Variants in ESRRA observed in about 807,000 individuals in gnomAD.
The protein encoded by ESRRA is steroid hormone receptor ERR1.
In ESRRA, 7 loss-of-function variants were observed where a neutral mutation model predicts 35.6. The ratio of observed to expected loss-of-function variants is 0.20; its 90% CI spans 0.11 to 0.37. The LOEUF (loss-of-function observed/expected upper bound fraction) is 0.37, where lower values mean the gene tolerates loss of function less well. Ranked by LOEUF, ESRRA falls within the 10% of genes least tolerant of loss-of-function variation. The pLI, the probability that ESRRA is intolerant of heterozygous loss-of-function variation, is 1.00. For missense variants in ESRRA, 378 were observed against 561.7 expected (o/e 0.67, Z 3.31); for synonymous variants, 223 against 246.9 (o/e 0.90, Z 0.91).
rs1425650980 is a variant in ESRRA at position 64,314,236 on chromosome 11, A to G, written c.443-3A>G. 6.2e-7 allele frequency: 1 copy of G among 1,608,242 alleles called. No individual in the cohort carries two copies. ...CACAGTCCTATCTGTCCCACAATTC[A>G]AGGAGTGCGCCTGGACCGCGTCCGG... On this transcript the variant is annotated splice_polypyrimidine_tract_variant and splice_region_variant and intron_variant, in intron 3 of 6. Coordinates refer to ENST00000000442, the MANE Select transcript of ESRRA (RefSeq NM_004451.5).
Position 64,314,084 on chromosome 11 carries a change from G to T in ESRRA, c.442+17G>T. On this transcript the variant is annotated intron_variant, in intron 3 of 6. Transcript: ENST00000000442. ...TCAAGGAGGGTGAGCGCTGGGCAGG[G>T]GCTGGGCGAGGGCTGGGGGAGTCGG... 2 of 1,575,110 alleles carry T rather than the reference G, an allele frequency of 1.3e-6. No individual in the cohort carries two copies. Among genetic ancestry groups the T allele is most frequent in the East Asian group, 2.3e-5 (1 of 43,672 alleles).
At chr11:64,314,474 C>T in intron 4 of ESRRA, 107 bp downstream of exon 4, 1 of 1,312,132 alleles carries the variant, frequency 7.6e-7, no homozygotes, top group Non-Finnish European at 1.0e-6. Flanking sequence ...TCTTCACTCA[C>T]TCATTTCCCC....
At position 64,314,291 on chromosome 11, in the gene ESRRA, G is replaced by A. The variant is rs368950323; in HGVS notation, c.495G>A (p.Pro165=). The part of the protein sequence containing the change: ...RGGRQKYKRR[P]EVDPLPFPGP... ...GGCGGCAGAAGTACAAGCGGCGGCC[G>A]GAGGTGGACCCACTGCCCTTCCCGG... The change falls in exon 4 of 7, where the codon CCG becomes CCA. Residue 165 remains proline, a synonymous_variant. Transcript: ENST00000000442. The A allele has an allele frequency of 1.5e-5, 24 of 1,611,508 alleles. No homozygotes were observed. Among genetic ancestry groups the A allele is most frequent in the Admixed American group, 3.3e-5 (2 of 59,858 alleles).
intron 6 of ESRRA, 115 bp from the exon 7 acceptor site, chr11:64,315,592 A>G (rs1210621613): frequency 7.1e-7 from 1 of 1,417,006 alleles, no homozygotes. Context: ...CAGTCAGCCA[A>G]TCAACAAATC....
rs2035261807 is a variant in ESRRA at position 64,316,278 on chromosome 11, C to T, written c.*312C>T. 4 of 298,962 alleles carry T rather than the reference C, an allele frequency of 1.3e-5. No individual in the cohort carries two copies. The highest frequency in any genetic ancestry group is 4.3e-5 in the African/African-American group (2 of 46,062). The allele number at this position is 298,962 out of a possible 1,614,324, so 18.5% of individuals were successfully genotyped here. On this transcript the variant is annotated 3_prime_UTR_variant, in exon 7 of 7. Coordinates refer to ENST00000000442, the MANE Select transcript of ESRRA (RefSeq NM_004451.5). ...GGATGCGTGGGAGGCAGAAACCTAT[C>T]TCAGGGAGGGAAGGGGATGGAGGCC... is the stretch of plus-strand genomic sequence containing the variant.
At chr11:64,310,784 G>T (rs1390197711) in intron 2 of ESRRA, among the ~76,000 whole-genome samples, 1 of 152,058 alleles carries the variant, frequency 6.6e-6, no homozygotes, top group Non-Finnish European at 1.5e-5. Flanking sequence ...CTGACCTCAG[G>T]CGATCTGCCC....
intron 1 of ESRRA, among the ~76,000 whole-genome samples, chr11:64,306,055 G>A (rs993057335): frequency 5.3e-5 from 8 of 152,190 alleles, no homozygotes; most frequent in Non-Finnish European, 1.2e-4. Context: ...CCCTGGGGCT[G>A]GCCGGGGTGG....
rs1195486602 is a variant in ESRRA at position 64,314,824 on chromosome 11, G to C, written c.655G>C (p.Asp219His). 8 of 1,612,508 alleles carry C rather than the reference G, an allele frequency of 5.0e-6. No individual in the cohort carries two copies. The highest frequency in any genetic ancestry group is 1.1e-5 in the South Asian group (1 of 91,032). ...LYAMPDPAGP[D>H]GHLPAVATLC... is the part of the protein sequence containing the mutation. The stretch of plus-strand genomic sequence containing the variant: ...TGCCATGCCTGACCCCGCAGGCCCT[G>C]ATGGGCACCTCCCAGCCGTGGCTAC... Residue 219 changes from aspartate to histidine, a missense_variant, in exon 5 of 7, where the codon GAT becomes CAT. Around this residue, in one of 4 missense-constraint regions of ESRRA, gnomAD observed 284 missense variants for 411.7 expected, o/e 0.69. Transcript: ENST00000000442.
intron 2 of ESRRA, among the ~76,000 whole-genome samples, chr11:64,309,434 CA>C (rs5792320): frequency 5.1e-4 from 63 of 122,526 alleles, no homozygotes; most frequent in South Asian, 1.1e-3. Flanking sequence ...ACTCTCATCT[CA>C]AAAAAAAAAA....
chr11:64,316,530 G>A lies in ESRRA; in HGVS notation c.*564G>A, dbSNP rs1428784565. Reference sequence around the variant, plus strand: ...TCAGCTCCCAACGAGCCTCCTCAGGGGGTAGGAGAGCACTGCCTCTATGCC... The same window carrying A: ...TCAGCTCCCAACGAGCCTCCTCAGGAGGTAGGAGAGCACTGCCTCTATGCC... On this transcript the variant is annotated 3_prime_UTR_variant, in exon 7 of 7. Transcript: ENST00000000442. The A allele has an allele frequency of 7.5e-6, 2 of 267,342 alleles. No homozygotes were observed. Among genetic ancestry groups the A allele is most frequent in the Non-Finnish European group, 1.5e-5 (2 of 136,674 alleles). 16.6% of individuals were successfully genotyped at this position (267,342 alleles called of 1,614,324 possible). A position where few individuals can be genotyped will look rare whatever the true frequency, so the allele number is the denominator to read the frequency against.
chr11:64,313,201 G>A lies in ESRRA; in HGVS notation c.326-750G>A, dbSNP rs1017843314. ...GAGGTAAAGCCCACCAGAATGTGTC[G>A]GTGGCTTGGATGTGGGGTGTGAGAG... On this transcript the variant is annotated intron_variant, in intron 2 of 6. Coordinates refer to ENST00000000442, the MANE Select transcript of ESRRA (RefSeq NM_004451.5). This position sits in a 1 kb window ranked among gnomAD's most constrained non-coding sequence, Gnocchi z 4.0. 1.3e-5 allele frequency among the ~76,000 whole-genome samples: 2 copies of A among 152,264 alleles called. No homozygotes were observed. Among genetic ancestry groups the A allele is most frequent in the African/African-American group, 2.4e-5 (1 of 41,562 alleles).
chr11:64,306,448 G>T, intron 1 of ESRRA: 1 of 152,568 alleles, frequency 6.6e-6, no homozygotes. Flanking sequence ...CCGCGTGTCA[G>T]GTGTGAAAAG....
chr11:64,314,060 C>T lies in ESRRA; in HGVS notation c.435C>T (p.Leu145=). The T allele has an allele frequency of 6.3e-7, 1 of 1,589,490 alleles. No homozygotes were observed. The highest frequency in any genetic ancestry group is 8.6e-7 in the Non-Finnish European group (1 of 1,167,350). ...RFTKCLRVGM[L]KEGVRLDRVR... is the part of the protein sequence containing the mutation. Reference sequence around the variant, plus strand: ...CCAAGTGCCTGCGGGTGGGCATGCTCAAGGAGGGTGAGCGCTGGGCAGGGG... The same window carrying T: ...CCAAGTGCCTGCGGGTGGGCATGCTTAAGGAGGGTGAGCGCTGGGCAGGGG... Residue 145 remains leucine, a synonymous_variant, in exon 3 of 7, where the codon CTC becomes CTT. Coordinates refer to ENST00000000442, the MANE Select transcript of ESRRA (RefSeq NM_004451.5).
Position 64,309,581 on chromosome 11 carries a change from A to T in ESRRA, c.325+2077A>T, listed in dbSNP as rs187332596. ...CTGGGAAGGGCCTATTATTTCCGTT[A>T]TTTCTGCTTTTATGTAACCATTGGT... On this transcript the variant is annotated intron_variant, in intron 2 of 6. Transcript: ENST00000000442. Among the ~76,000 whole-genome samples, 318 of 146,020 alleles carry T rather than the reference A, an allele frequency of 2.2e-3. 5 individuals are homozygous for T. Among genetic ancestry groups the T allele is most frequent in the East Asian group, 0.016 (81 of 5,004 alleles).
chr11:64,313,306 C>T lies in ESRRA; in HGVS notation c.326-645C>T, dbSNP rs1485151948. ...CGTAGGCTGTGTTCGGTCCGAGATG[C>T]CTTCTAGACATGCAGGATGTCAAGG... is the stretch of plus-strand genomic sequence containing the variant. On this transcript the variant is annotated intron_variant, in intron 2 of 6. Coordinates refer to ENST00000000442, the MANE Select transcript of ESRRA (RefSeq NM_004451.5). The surrounding 1 kb of genome is among the most constrained non-coding windows in gnomAD (Gnocchi z 4.0). 6.6e-6 allele frequency among the ~76,000 whole-genome samples: 1 copy of T among 152,148 alleles called. No homozygotes were observed. Among genetic ancestry groups the T allele is most frequent in the Non-Finnish European group, 1.5e-5 (1 of 68,038 alleles).
At chr11:64,314,510 GC>G in intron 4 of ESRRA, 143 bp downstream of exon 4, 3 of 1,150,284 alleles carry the variant, frequency 2.6e-6, no homozygotes, top group Non-Finnish European at 3.6e-6. Flanking sequence ...GCCTTTTCCT[GC>G]ATCAGGAAAA....
rs114611110 is a variant in ESRRA at position 64,310,604 on chromosome 11, G to A, written c.325+3100G>A. 6.5e-3 allele frequency among the ~76,000 whole-genome samples: 863 copies of A among 133,426 alleles called. 7 individuals are homozygous for A. The highest frequency in any genetic ancestry group is 0.024 in the African/African-American group (819 of 34,552). The allele number at this position is 133,426 out of a possible 152,430, so 87.5% of individuals were successfully genotyped here. ...CTTGTTGTCCAGGCTGGAGTGCAAC[G>A]GCCTGCAGTCGTGGTTCACTGCAAC... is the stretch of plus-strand genomic sequence containing the variant. On this transcript the variant is annotated intron_variant, in intron 2 of 6. Transcript: ENST00000000442.
chr11:64,315,196 TGCG>T lies in ESRRA; in HGVS notation c.944_946del (p.Arg315del). The T allele has an allele frequency of 6.2e-7, 1 of 1,611,936 alleles. No individual in the cohort carries two copies. The highest frequency in any genetic ancestry group is 8.5e-7 in the Non-Finnish European group (1 of 1,178,962). ...CTGGGGGCTGCCCTGCTGCAACTAG[TGCG>T]GCGGCTGCAGGCCCTGCGGCTGGAG... On this transcript the variant is annotated inframe_deletion, in exon 6 of 7. Transcript: ENST00000000442.
Position 64,315,082 on chromosome 11 carries a change from A to G in ESRRA, c.824A>G (p.Gln275Arg). 1 of 1,611,548 alleles carries G rather than the reference A, an allele frequency of 6.2e-7. No homozygotes were observed. Among genetic ancestry groups the G allele is most frequent in the African/African-American group, 1.3e-5 (1 of 75,024 alleles). ...GAGGTGCTGGTGCTGGGTGTGGCCCAGCGCTCACTGCCACTGCAGGATGAG... is the reference window on the plus strand; with the variant it reads ...GAGGTGCTGGTGCTGGGTGTGGCCCGGCGCTCACTGCCACTGCAGGATGAG... ...WMEVLVLGVAQRSLPLQDELA... is the reference protein window; with the variant it reads ...WMEVLVLGVARRSLPLQDELA... Residue 275 changes from glutamine to arginine, a missense_variant, in exon 6 of 7, where the codon CAG (glutamine) becomes CGG (arginine). Gln to Arg is a conservative substitution (Grantham distance 43). Transcript: ENST00000000442.
Sources: allele counts gnomAD v4.1 joint callset (sites outside exome capture counted in the v4.1 genomes callset), GRCh38; gene constraint gnomAD v4.1.1; regional missense constraint gnomAD v4.1.1; non-coding constraint Gnocchi (gnomAD v3.1); transcripts MANE v1.5; gene names NCBI Gene and HGNC (gene_info 2026-07-23, HGNC 2026-07-21).